Variants in MYBPHL observed in about 807,000 individuals in gnomAD.
The protein encoded by MYBPHL is myosin binding protein H like.
In MYBPHL, 32 loss-of-function variants were observed where a neutral mutation model predicts 39.5. That is an observed-to-expected ratio of 0.81 (90% CI 0.61 to 1.09). The LOEUF is 1.09. Ranked by LOEUF, MYBPHL falls within the 50% of genes least tolerant of loss-of-function variation. MYBPHL has a pLI of 0.00. For synonymous variants in MYBPHL, 196 were observed against 183.7 expected, an observed-to-expected ratio of 1.07 and a Z score of -0.54; for missense variants, 456 against 460.2, an observed-to-expected ratio of 0.99 and a Z score of 0.08.
At chr1:109,293,622 C>A (rs921631796) in intron 8 of MYBPHL, among the ~76,000 whole-genome samples, 1 of 151,910 alleles carries the variant, frequency 6.6e-6, no homozygotes, top group Non-Finnish European at 1.5e-5. Flanking sequence ...TGCCTGTAGT[C>A]CCAGCTACTC....
Position 109,295,298 on chromosome 1 carries a change from C to A in MYBPHL, c.868-1G>T. On this transcript the variant is annotated splice_acceptor_variant, in intron 6 of 8. Coordinates refer to ENST00000357155, the MANE Select transcript of MYBPHL (RefSeq NM_001010985.3). LOFTEE classifies it high-confidence loss of function. ...TGTTCTTCAGCCAGATGATCTTGGGCTGGAAGACAAAGATGAGGGAGGCAG... is the reference window on the plus strand; with the variant it reads ...TGTTCTTCAGCCAGATGATCTTGGGATGGAAGACAAAGATGAGGGAGGCAG... 1 of 1,613,076 alleles carries A rather than the reference C, an allele frequency of 6.2e-7. No homozygotes were observed. The highest frequency in any genetic ancestry group is 8.5e-7 in the Non-Finnish European group (1 of 1,179,408).
At chr1:109,296,110 A>G in intron 6 of MYBPHL, 124 bp downstream of exon 6, 2 of 1,225,342 alleles carry the variant, frequency 1.6e-6, no homozygotes, top group Admixed American at 4.5e-5. Flanking sequence ...ACCGTGCTGT[A>G]GAAGAGGCAG....
At chr1:109,298,759 C>G (rs1425839972) in intron 1 of MYBPHL, among the ~76,000 whole-genome samples, 1 of 152,134 alleles carries the variant, frequency 6.6e-6, no homozygotes, top group Non-Finnish European at 1.5e-5. Context: ...CCTGACCTCC[C>G]AGCCGCCCAC....
chr1:109,293,587 A>G (rs1305456657), intron 8 of MYBPHL, among the ~76,000 whole-genome samples: 1 of 151,706 alleles, frequency 6.6e-6, no homozygotes, highest in African/African-American at 2.4e-5. Context: ...ACTAAAAAAA[A>G]AAAATTGCCG....
Position 109,298,253 on chromosome 1 carries a change from G to A in MYBPHL, c.150C>T (p.His50=), listed in dbSNP as rs1470934330. 2 of 1,609,260 alleles carry A rather than the reference G, an allele frequency of 1.2e-6. No individual in the cohort carries two copies. The highest frequency in any genetic ancestry group is 1.7e-5 in the Admixed American group (1 of 59,214). The change falls in exon 2 of 9, where the codon CAC becomes CAT. Residue 50 remains histidine, a synonymous_variant. Coordinates refer to ENST00000357155, the MANE Select transcript of MYBPHL (RefSeq NM_001010985.3). ...GGGCCCGAGGTAGCCAGATCTTGGG[G>A]TGCTCTGAGTGATGGAAAGAGAGAG... ...TPQLLPPIEE[H]PKIWLPRALR... is the part of the protein sequence containing the mutation.
intron 1 of MYBPHL, among the ~76,000 whole-genome samples, chr1:109,304,644 G>A (rs1255078688): frequency 6.6e-6 from 1 of 152,194 alleles, no homozygotes; most frequent in Non-Finnish European, 1.5e-5. Context: ...GCAGGAGGCC[G>A]AGTGTCACAT....
chr1:109,298,539 T>C (rs1658170448), intron 1 of MYBPHL, among the ~76,000 whole-genome samples: 1 of 152,188 alleles, frequency 6.6e-6, no homozygotes, highest in African/African-American at 2.4e-5. Context: ...CTTTCCATCA[T>C]CTGGAGGCAT....
rs913172667 is a variant in MYBPHL, at chr1:109,292,545, C to G, written c.*77G>C. ...CTGCTGAGGGCACCGTTGTCACGGT[C>G]CCTGGCTCCTGTGCCATGAATTCAC... On this transcript the variant is annotated 3_prime_UTR_variant, in exon 9 of 9. Coordinates refer to ENST00000357155, the MANE Select transcript of MYBPHL (RefSeq NM_001010985.3). The G allele has an allele frequency of 6.6e-5, 10 of 152,214 alleles. No homozygotes were observed. Among genetic ancestry groups the G allele is most frequent in the African/African-American group, 2.4e-4 (10 of 41,452 alleles). The allele number at this position is 152,214 out of a possible 1,614,324, so 9.4% of individuals were successfully genotyped here. A position where few individuals can be genotyped will look rare whatever the true frequency, so the allele number is the denominator to read the frequency against.
At chr1:109,302,049 GTGTGTGTGAGTGTA>G (rs527680196) in intron 1 of MYBPHL, among the ~76,000 whole-genome samples, 70 of 151,868 alleles carry the variant, frequency 4.6e-4, no homozygotes, top group Non-Finnish European at 8.8e-4. Context: ...GTGTATGTAT[GTGTGTGTGAGTGTA>G]TGTGTGTGAA....
chr1:109,294,234 T>C lies in MYBPHL; in HGVS notation c.*5A>G, dbSNP rs772807022. The C allele has an allele frequency of 4.4e-6, 7 of 1,608,560 alleles. No individual in the cohort carries two copies. The East Asian group carries it at 1.6e-4, about 36-fold the overall frequency. ...TGTCAGAGTACCATGCCTTCTTAGG[T>C]GTCCTCAATTAGGAACTGTAATAAT... On this transcript the variant is annotated 3_prime_UTR_variant, in exon 8 of 9. Transcript: ENST00000357155.
At chr1:109,293,740 AAAATAAAT>A (rs59376361) in intron 8 of MYBPHL, among the ~76,000 whole-genome samples, 4 of 144,550 alleles carry the variant, frequency 2.8e-5, no homozygotes, top group South Asian at 2.2e-4. Flanking sequence ...ACTCTGTCTC[AAAATAAAT>A]AAATAAATAA....
Position 109,298,150 on chromosome 1 carries a change from A to G in MYBPHL, c.234+19T>C, listed in dbSNP as rs1227743032. On this transcript the variant is annotated intron_variant, in intron 2 of 8. Transcript: ENST00000357155. ...CACTGGCCCCAGACATGGACCCAGTATGGGGCTGGCATGATCACCTGGAAT... is the reference window on the plus strand; with the variant it reads ...CACTGGCCCCAGACATGGACCCAGTGTGGGGCTGGCATGATCACCTGGAAT... The G allele has an allele frequency of 6.9e-6, 11 of 1,586,358 alleles. No homozygotes were observed. Among genetic ancestry groups the G allele is most frequent in the Admixed American group, 1.8e-5 (1 of 55,312 alleles).
chr1:109,299,402 A>G (rs1397115654), intron 1 of MYBPHL, among the ~76,000 whole-genome samples: 2 of 152,230 alleles, frequency 1.3e-5, no homozygotes, highest in Non-Finnish European at 2.9e-5. Context: ...AGCATTCACT[A>G]TGACATATGT....
At chr1:109,297,685 G>T in intron 2 of MYBPHL, 68 bp from the exon 3 acceptor site, 1 of 1,407,882 alleles carries the variant, frequency 7.1e-7, no homozygotes, top group Non-Finnish European at 9.7e-7. Flanking sequence ...TGCTGTAGGG[G>T]TCCTGTCCAC....
intron 5 of MYBPHL, 47 bp from the exon 6 acceptor site, chr1:109,296,417 C>T: frequency 6.2e-7 from 1 of 1,602,124 alleles, no homozygotes; most frequent in South Asian, 1.1e-5. Context: ...AGATCCCAGC[C>T]CTCGTCGACT....
intron 2 of MYBPHL, 77 bp from the exon 3 acceptor site, chr1:109,297,694 A>T: frequency 7.5e-7 from 1 of 1,339,828 alleles, no homozygotes; most frequent in Non-Finnish European, 1.0e-6. Context: ...GGTCCTGTCC[A>T]CCCCAGGTCC....
chr1:109,296,117 G>T, intron 6 of MYBPHL, 117 bp downstream of exon 6: 7 of 1,296,878 alleles, frequency 5.4e-6, no homozygotes, highest in Non-Finnish European at 6.4e-6. Flanking sequence ...TGTAGAAGAG[G>T]CAGATGGCGG....
chr1:109,299,336 C>T (rs1042586482), intron 1 of MYBPHL, among the ~76,000 whole-genome samples: 1 of 152,168 alleles, frequency 6.6e-6, no homozygotes, highest in Non-Finnish European at 1.5e-5. Context: ...CATGACTGCT[C>T]GATAGTGGAT....
chr1:109,298,285 AGATG>A (rs754054561), intron 1 of MYBPHL, 28 bp from the exon 2 acceptor site: 1 of 1,588,178 alleles, frequency 6.3e-7, no homozygotes, highest in South Asian at 1.1e-5. Context: ...AGAGAATAGG[AGATG>A]GATACTCAGA....
Sources: gnomAD v4.1 joint callset for allele counts (sites outside exome capture counted in the v4.1 genomes callset) on GRCh38, gnomAD v4.1.1 for gene constraint, MANE v1.5 for transcripts, NCBI Gene and HGNC (gene_info 2026-07-23, HGNC 2026-07-21) for gene names.